The following FOXP2 variants were observed in gnomAD, a reference collection of about 807,000 sequenced individuals.
FOXP2 encodes forkhead box P2, also known as forkhead box protein P2.
A neutral mutation model predicts 115.8 loss-of-function variants in FOXP2; 12 were observed. The ratio of observed to expected loss-of-function variants is 0.10; its 90% confidence interval spans 0.07 to 0.17. The LOEUF is 0.17. Ranked by LOEUF, FOXP2 falls within the 10% of genes least tolerant of loss-of-function variation. The pLI is 1.00. For missense variants in FOXP2, 629 were observed against 843.5 expected (o/e 0.75, Z 3.15); for synonymous variants, 328 against 297.7 (o/e 1.10, Z -1.05).
intron 1 of FOXP2, among the ~76,000 whole-genome samples, chr7:114,189,117 T>C (rs1307231691): frequency 6.6e-6 from 1 of 152,182 alleles, no homozygotes; most frequent in Non-Finnish European, 1.5e-5. Flanking sequence ...CTGCTACACC[T>C]TCCCTCTGCC....
At chr7:114,365,893 A>G (rs1791867723) in intron 2 of FOXP2, among the ~76,000 whole-genome samples, 1 of 152,038 alleles carries the variant, frequency 6.6e-6, no homozygotes, top group South Asian at 2.1e-4. Flanking sequence ...AATTCTTCAG[A>G]TTTTTTTGTG....
rs1804796905 is a variant in FOXP2, at chr7:114,629,900, GCAACAACAGCAGCAGCAACAACAA to G, written c.507_530del (p.Gln184_Gln191del). Reference sequence around the variant, plus strand: ...AACAGCAGCAGCAGCAACAACAGCAGCAACAACAGCAGCAGCAACAACAACAACAACAGCAGCAACAACAGCAGC... The same window carrying G: ...AACAGCAGCAGCAGCAACAACAGCAGCAACAACAGCAGCAACAACAGCAGC... On this transcript the variant is annotated inframe_deletion, in exon 5 of 17. Transcript: ENST00000350908. The G allele has an allele frequency of 3.1e-6, 5 of 1,610,138 alleles. No homozygotes were observed.
chr7:114,118,857 G>A (rs1455884134), intron 1 of FOXP2, among the ~76,000 whole-genome samples: 2 of 152,074 alleles, frequency 1.3e-5, no homozygotes, highest in African/African-American at 4.8e-5. Flanking sequence ...CTTAAGAGTG[G>A]ATGATGGAGA....
At chr7:114,651,809 C>T (rs1806271713) in intron 8 of FOXP2, among the ~76,000 whole-genome samples, 1 of 152,038 alleles carries the variant, frequency 6.6e-6, no homozygotes, top group African/African-American at 2.4e-5. Flanking sequence ...ATAGAAACAA[C>T]AAACTGTTCT....
chr7:114,530,579 T>G (rs1323121589), intron 2 of FOXP2, among the ~76,000 whole-genome samples: 1 of 151,962 alleles, frequency 6.6e-6, no homozygotes, highest in African/African-American at 2.4e-5. Flanking sequence ...TTTTTTGTTT[T>G]ACTGCGTATT....
chr7:114,271,704 AT>A (rs1342095342), intron 1 of FOXP2, among the ~76,000 whole-genome samples: 1,337 of 116,154 alleles, frequency 0.012, 19 homozygotes, highest in African/African-American at 0.04. Flanking sequence ...TATTTAATAT[AT>A]TATTTAATAC....
intron 2 of FOXP2, among the ~76,000 whole-genome samples, chr7:114,346,594 C>T (rs953302808): frequency 2.6e-5 from 4 of 151,598 alleles, no homozygotes; most frequent in African/African-American, 9.7e-5. Context: ...ACTATTCAGC[C>T]GTAAAATAGT....
intron 1 of FOXP2, among the ~76,000 whole-genome samples, chr7:114,200,652 C>A (rs1794036805): frequency 6.6e-6 from 1 of 152,120 alleles, no homozygotes; most frequent in African/African-American, 2.4e-5. Flanking sequence ...CAAGTTGATG[C>A]CATTTGACCA....
At chr7:114,241,644 T>G (rs1008479099) in intron 1 of FOXP2, among the ~76,000 whole-genome samples, 2 of 151,952 alleles carry the variant, frequency 1.3e-5, no homozygotes, top group African/African-American at 4.8e-5. Flanking sequence ...TGAAAATATG[T>G]GGTGAACTCA....
intron 1 of FOXP2, among the ~76,000 whole-genome samples, chr7:114,281,453 A>G (rs1341128008): frequency 6.6e-6 from 1 of 152,010 alleles, no homozygotes; most frequent in African/African-American, 2.4e-5. Flanking sequence ...ATGATATTGC[A>G]TTTTTAAACA....
At chr7:114,138,797 T>C (rs1305355443) in intron 1 of FOXP2, among the ~76,000 whole-genome samples, 1 of 152,092 alleles carries the variant, frequency 6.6e-6, no homozygotes, top group Non-Finnish European at 1.5e-5. Flanking sequence ...ATCAAAAAGT[T>C]TGAGAAACTG....
intron 2 of FOXP2, among the ~76,000 whole-genome samples, chr7:114,435,243 A>G (rs1794287596): frequency 6.6e-6 from 1 of 152,128 alleles, no homozygotes; most frequent in Admixed American, 6.6e-5. Flanking sequence ...TGAGGCCTTG[A>G]AGAGGAGGGA....
At chr7:114,486,706 G>C (rs1796795035) in intron 2 of FOXP2, among the ~76,000 whole-genome samples, 1 of 152,136 alleles carries the variant, frequency 6.6e-6, no homozygotes. Flanking sequence ...ATTCCAAATG[G>C]GAGAAATTGG....
chr7:114,409,185 A>G (rs1275474985), intron 2 of FOXP2, among the ~76,000 whole-genome samples: 1 of 152,170 alleles, frequency 6.6e-6, no homozygotes, highest in Non-Finnish European at 1.5e-5. Flanking sequence ...AATGGATCTA[A>G]TAGCAATTAA....
intron 1 of FOXP2, among the ~76,000 whole-genome samples, chr7:114,279,862 G>A (rs541432335): frequency 2.6e-5 from 4 of 151,944 alleles, no homozygotes; most frequent in Non-Finnish European, 4.4e-5. Flanking sequence ...GAGGCAGGAG[G>A]GGGTGAGAGA....
chr7:114,101,471 C>T (rs779369573), intron 1 of FOXP2, among the ~76,000 whole-genome samples: 1 of 152,092 alleles, frequency 6.6e-6, no homozygotes, highest in Non-Finnish European at 1.5e-5. Context: ...TAAGACATTT[C>T]TCTGATCTAC....
At chr7:114,492,623 G>T (rs186526865) in intron 2 of FOXP2, among the ~76,000 whole-genome samples, 2 of 151,918 alleles carry the variant, frequency 1.3e-5, no homozygotes, top group African/African-American at 4.8e-5. Flanking sequence ...CTTTGTTCTC[G>T]TTGGTGTCAA....
chr7:114,560,555 G>A (rs1800711435), intron 3 of FOXP2, among the ~76,000 whole-genome samples: 2 of 152,196 alleles, frequency 1.3e-5, no homozygotes, highest in Admixed American at 6.5e-5. Context: ...GGCAGCAGTT[G>A]CAGTGAGTTG....
intron 3 of FOXP2, among the ~76,000 whole-genome samples, chr7:114,538,803 T>C (rs1206760228): frequency 6.6e-6 from 1 of 151,814 alleles, no homozygotes; most frequent in Non-Finnish European, 1.5e-5. Context: ...GTTTGCTTGG[T>C]TTTTGTTACA....
Sources: allele counts gnomAD v4.1 joint callset (sites outside exome capture counted in the v4.1 genomes callset), GRCh38; gene constraint gnomAD v4.1.1; transcripts MANE v1.5; gene names NCBI Gene and HGNC (gene_info 2026-07-23, HGNC 2026-07-21).